SNTG1: variants seen among roughly 807,000 people sequenced by gnomAD.
SNTG1 encodes syntrophin gamma 1, also known as gamma-1-syntrophin.
In SNTG1, 39 loss-of-function variants were observed where a neutral mutation model predicts 74.7. That is an observed-to-expected ratio of 0.52 (90% CI 0.40 to 0.68). The LOEUF is 0.68. SNTG1 is among the 30% of genes least tolerant of loss of function. The pLI is 0.00. For missense variants in SNTG1, 685 were observed against 609.5 expected, an observed-to-expected ratio of 1.12 and a Z score of -1.30; for synonymous variants, 254 against 217.1, an observed-to-expected ratio of 1.17 and a Z score of -1.49.
chr8:50,780,010 G>T (rs1215982424), intron 18 of SNTG1, among the ~76,000 whole-genome samples: 1 of 152,146 alleles, frequency 6.6e-6, no homozygotes, highest in East Asian at 1.9e-4. Context: ...TACATTTATT[G>T]ATTTGTGTAT....
chr8:50,272,703 A>G (rs1204954121), intron 2 of SNTG1, among the ~76,000 whole-genome samples: 1 of 152,300 alleles, frequency 6.6e-6, no homozygotes, highest in Non-Finnish European at 1.5e-5. Context: ...GTACATGTGT[A>G]CGATGTATCA....
intron 9 of SNTG1, among the ~76,000 whole-genome samples, chr8:50,511,099 G>T (rs1415108567): frequency 1.3e-5 from 2 of 152,168 alleles, no homozygotes; most frequent in Non-Finnish European, 2.9e-5. Flanking sequence ...GTGTCCCAAA[G>T]ATTCTGGCAT....
intron 8 of SNTG1, among the ~76,000 whole-genome samples, chr8:50,469,253 C>T (rs1278215073): frequency 6.6e-6 from 1 of 152,154 alleles, no homozygotes; most frequent in Non-Finnish European, 1.5e-5. Context: ...TTATGGGACA[C>T]AGGCTTCTGT....
chr8:50,087,764 TTTTATTTATTTTTTA>T (rs1176340008), intron 1 of SNTG1, among the ~76,000 whole-genome samples: 3 of 151,910 alleles, frequency 2.0e-5, no homozygotes, highest in Non-Finnish European at 4.4e-5. Context: ...TTAGAATTTA[TTTTATTTATTTTTTA>T]TTTATTTATT....
At chr8:50,070,156 A>C (rs767822075) in intron 1 of SNTG1, among the ~76,000 whole-genome samples, 2 of 152,172 alleles carry the variant, frequency 1.3e-5, no homozygotes, top group Admixed American at 6.5e-5. Context: ...ATCTTTTTAT[A>C]ATATTTTGAG....
chr8:50,082,545 G>A (rs1302286986), intron 1 of SNTG1, among the ~76,000 whole-genome samples: 1 of 151,988 alleles, frequency 6.6e-6, no homozygotes. Flanking sequence ...CTACGTAACT[G>A]GTCATCTTAA....
chr8:50,154,476 G>A (rs948834588), intron 1 of SNTG1, among the ~76,000 whole-genome samples: 1 of 152,026 alleles, frequency 6.6e-6, no homozygotes, highest in Non-Finnish European at 1.5e-5. Context: ...AGATGAACCG[G>A]GTACCTCAGT....
At chr8:50,409,041 C>A (rs2092914863) in intron 4 of SNTG1, among the ~76,000 whole-genome samples, 1 of 152,116 alleles carries the variant, frequency 6.6e-6, no homozygotes, top group Non-Finnish European at 1.5e-5. Context: ...GGTGACTTAA[C>A]AATAACCCCT....
At chr8:49,961,187 C>G (rs1415371244) in intron 1 of SNTG1, among the ~76,000 whole-genome samples, 2 of 152,100 alleles carry the variant, frequency 1.3e-5, no homozygotes, top group South Asian at 4.2e-4. Flanking sequence ...TTTTTATCCC[C>G]CCTCAGAGCT....
At chr8:50,065,648 C>T (rs1820838626) in intron 1 of SNTG1, among the ~76,000 whole-genome samples, 1 of 152,106 alleles carries the variant, frequency 6.6e-6, no homozygotes, top group South Asian at 2.1e-4. Flanking sequence ...CATTTCAGAA[C>T]ATTTAACCAC....
At chr8:50,010,677 T>A (rs1011264168) in intron 1 of SNTG1, among the ~76,000 whole-genome samples, 16 of 151,918 alleles carry the variant, frequency 1.1e-4, no homozygotes, top group Non-Finnish European at 2.9e-5. Flanking sequence ...TAAAAAAAAA[T>A]TCTTACTAAA....
At chr8:50,320,772 A>C (rs533719896) in intron 2 of SNTG1, among the ~76,000 whole-genome samples, 6 of 151,542 alleles carry the variant, frequency 4.0e-5, no homozygotes, top group African/African-American at 1.5e-4. Flanking sequence ...TCATTGACCC[A>C]CTCATCATTC....
chr8:50,040,561 G>A (rs1318346772), intron 1 of SNTG1, among the ~76,000 whole-genome samples: 1 of 152,094 alleles, frequency 6.6e-6, no homozygotes, highest in Non-Finnish European at 1.5e-5. Context: ...AAGTATTGCA[G>A]GTAAATTCAC....
chr8:50,084,183 C>T (rs1472491623), intron 1 of SNTG1, among the ~76,000 whole-genome samples: 1 of 152,066 alleles, frequency 6.6e-6, no homozygotes, highest in Non-Finnish European at 1.5e-5. Context: ...TAAAACTGGC[C>T]AGGCGCAGTG....
chr8:50,034,879 G>T (rs1388640281), intron 1 of SNTG1, among the ~76,000 whole-genome samples: 1 of 152,162 alleles, frequency 6.6e-6, no homozygotes, highest in African/African-American at 2.4e-5. Flanking sequence ...TCTGAAAGCA[G>T]TATTTGTTAG....
At chr8:50,710,983 CAAG>C (rs1167601835) in intron 17 of SNTG1, among the ~76,000 whole-genome samples, 1 of 152,062 alleles carries the variant, frequency 6.6e-6, no homozygotes, top group African/African-American at 2.4e-5. Flanking sequence ...ACACATTAAT[CAAG>C]AAGGTTATAT....
chr8:50,598,311 G>A (rs184633281), intron 13 of SNTG1, among the ~76,000 whole-genome samples: 1 of 151,890 alleles, frequency 6.6e-6, no homozygotes, highest in Non-Finnish European at 1.5e-5. Context: ...TCTGAGTATA[G>A]ACATGCAGTT....
intron 1 of SNTG1, among the ~76,000 whole-genome samples, chr8:49,924,446 T>C (rs1806835957): frequency 6.6e-6 from 1 of 152,126 alleles, no homozygotes; most frequent in Non-Finnish European, 1.5e-5. Flanking sequence ...GCCACCTCAG[T>C]ATGCAGAATA....
intron 8 of SNTG1, among the ~76,000 whole-genome samples, chr8:50,458,693 T>G (rs1018411041): frequency 7.9e-5 from 12 of 152,184 alleles, no homozygotes; most frequent in African/African-American, 2.7e-4. Flanking sequence ...GATATTACTT[T>G]GCATTTTCCT....
Sources: gnomAD v4.1 joint callset for allele counts (sites outside exome capture counted in the v4.1 genomes callset) on GRCh38, gnomAD v4.1.1 for gene constraint, MANE v1.5 for transcripts, NCBI Gene and HGNC (gene_info 2026-07-23, HGNC 2026-07-21) for gene names.